The following LCORL variants were observed in gnomAD, a reference collection of about 807,000 sequenced individuals.
The protein encoded by LCORL is ligand dependent nuclear receptor corepressor like.
A neutral mutation model predicts 141.8 loss-of-function variants in LCORL; 41 were observed. That is an observed-to-expected ratio of 0.29 (90% CI 0.23 to 0.38). LCORL has a LOEUF of 0.38. Among genes scored for constraint, LCORL ranks in the 10% least tolerant of loss-of-function variants. The pLI is 1.00. For missense variants in LCORL, 1,759 were observed against 2,035.0 expected, an observed-to-expected ratio of 0.86 and a Z score of 2.61; for synonymous variants, 618 against 694.1, an observed-to-expected ratio of 0.89 and a Z score of 1.72.
chr4:18,004,886 C>T (rs1722538544), intron 1 of LCORL, among the ~76,000 whole-genome samples: 1 of 151,750 alleles, frequency 6.6e-6, no homozygotes, highest in South Asian at 2.1e-4. Flanking sequence ...AAAGGGGCTA[C>T]AGGCCCCATG....
chr4:17,869,456 G>T (rs1183774743), intron 7 of LCORL, among the ~76,000 whole-genome samples: 2 of 152,012 alleles, frequency 1.3e-5, no homozygotes, highest in Non-Finnish European at 2.9e-5. Context: ...CCGTTTCAGG[G>T]CTCATCTTAG....
chr4:17,879,651 G>C (rs905060443), intron 6 of LCORL, among the ~76,000 whole-genome samples: 1 of 150,912 alleles, frequency 6.6e-6, no homozygotes, highest in African/African-American at 2.4e-5. Flanking sequence ...TATATGTAGA[G>C]AGCAAGGGCA....
intron 4 of LCORL, among the ~76,000 whole-genome samples, chr4:17,953,231 G>A (rs1352370754): frequency 6.6e-6 from 1 of 152,202 alleles, no homozygotes; most frequent in Non-Finnish European, 1.5e-5. Flanking sequence ...CTTTATGGCA[G>A]AACAGTTTAT....
chr4:17,936,360 G>GA (rs10646952), intron 4 of LCORL, among the ~76,000 whole-genome samples: 2,448 of 96,366 alleles, frequency 0.025, 71 homozygotes, highest in African/African-American at 0.069. Flanking sequence ...GTCTCATAAT[G>GA]AAAAAAAAAA....
intron 4 of LCORL, among the ~76,000 whole-genome samples, chr4:17,935,877 A>G (rs1173036068): frequency 1.3e-5 from 2 of 152,342 alleles, no homozygotes; most frequent in East Asian, 3.9e-4. Context: ...ATGGAATGAA[A>G]TTAAGTGTAG....
intron 1 of LCORL, among the ~76,000 whole-genome samples, chr4:17,983,499 TC>T (rs1406826867): frequency 6.6e-6 from 1 of 152,170 alleles, no homozygotes; most frequent in African/African-American, 2.4e-5. Context: ...TTAGCTGTAT[TC>T]CCGGATATTT....
intron 7 of LCORL, among the ~76,000 whole-genome samples, chr4:17,872,938 CTT>C (rs1726527800): frequency 6.6e-6 from 1 of 151,946 alleles, no homozygotes; most frequent in African/African-American, 2.4e-5. Flanking sequence ...AACAGATAGT[CTT>C]TACTTTTTTA....
chr4:17,873,854 T>G (rs1292279029), exon 7 of LCORL: 1 of 1,233,926 alleles, frequency 8.1e-7, no homozygotes, highest in African/African-American at 1.6e-5. Flanking sequence ...GACATACATT[T>G]TCTAGTCTTG....
At chr4:17,986,059 T>C (rs374445579) in intron 1 of LCORL, among the ~76,000 whole-genome samples, 27 of 152,302 alleles carry the variant, frequency 1.8e-4, no homozygotes, top group African/African-American at 5.1e-4. Context: ...GTTGAGAATA[T>C]TGTTATTTAA....
intron 4 of LCORL, among the ~76,000 whole-genome samples, chr4:17,923,687 C>T (rs903535653): frequency 6.6e-5 from 10 of 151,850 alleles, no homozygotes; most frequent in South Asian, 2.1e-4. Flanking sequence ...CCTCTGTGAG[C>T]GAGCTGGAAA....
chr4:17,985,822 T>C (rs1356408667), intron 1 of LCORL, among the ~76,000 whole-genome samples: 3 of 152,226 alleles, frequency 2.0e-5, no homozygotes, highest in African/African-American at 7.2e-5. Flanking sequence ...AGCTGGTTAT[T>C]ATGCTGGCTT....
rs1261089709 is a variant in LCORL, at chr4:17,884,726, T to C, written c.776+1342A>G. ...TGCAAACTCAGCACTTCTTTCCACA[T>C]AGTCCTCTCTGTTTCTGTGTAGTCT... On this transcript the variant is annotated intron_variant, in intron 6 of 7. Coordinates refer to ENST00000635767, the Ensembl canonical transcript of LCORL. This position sits in a 1 kb window ranked among gnomAD's most constrained non-coding sequence, Gnocchi z 4.4. 4.0e-6 allele frequency: 6 copies of C among 1,487,476 alleles called. No homozygotes were observed. The highest frequency in any genetic ancestry group is 2.8e-5 in the South Asian group (2 of 71,958). 92.1% of individuals were successfully genotyped at this position (1,487,476 alleles called of 1,614,324 possible).
intron 4 of LCORL, among the ~76,000 whole-genome samples, chr4:17,928,943 T>C (rs1340724063): frequency 6.6e-6 from 1 of 152,186 alleles, no homozygotes; most frequent in East Asian, 1.9e-4. Flanking sequence ...AATAGTCAAG[T>C]TCACAAGGTT....
chr4:17,898,080 T>A (rs1162028506), intron 5 of LCORL, among the ~76,000 whole-genome samples: 1 of 152,178 alleles, frequency 6.6e-6, no homozygotes, highest in Non-Finnish European at 1.5e-5. Flanking sequence ...AAAATACTGG[T>A]TTCATAATGA....
exon 7 of LCORL, chr4:17,876,821 T>C (rs922653000): frequency 2.4e-6 from 3 of 1,230,662 alleles, no homozygotes; most frequent in Non-Finnish European, 3.0e-6. Context: ...CAGGGGAAGT[T>C]GTTTTAAAGC....
chr4:17,906,821 G>A (rs1019536997), intron 5 of LCORL, among the ~76,000 whole-genome samples: 2 of 151,900 alleles, frequency 1.3e-5, no homozygotes, highest in Non-Finnish European at 2.9e-5. Flanking sequence ...CAAATAGCTG[G>A]GACTACAGGC....
intron 6 of LCORL, chr4:17,883,420 T>C (rs1727845834): frequency 1.8e-6 from 2 of 1,119,168 alleles, no homozygotes; most frequent in Admixed American, 4.5e-5. Context: ...CGCTTTATGC[T>C]ATTGACTACT....
chr4:17,890,345 G>T (rs758708358), intron 5 of LCORL, among the ~76,000 whole-genome samples: 1 of 151,994 alleles, frequency 6.6e-6, no homozygotes, highest in African/African-American at 2.4e-5. Flanking sequence ...AATATTTAAA[G>T]CACACAAAAC....
At chr4:17,843,063 A>T (rs1348046616) in exon 8 of LCORL, 1 of 296,564 alleles carries the variant, frequency 3.4e-6, no homozygotes, top group Non-Finnish European at 6.4e-6. Context: ...TTTCCTGTAT[A>T]ACACCAGGTT....
Sources: gnomAD v4.1 joint callset for allele counts (sites outside exome capture counted in the v4.1 genomes callset) on GRCh38, gnomAD v4.1.1 for gene constraint, Gnocchi (gnomAD v3.1) non-coding constraint, MANE v1.5 for transcripts, NCBI Gene and HGNC (gene_info 2026-07-23, HGNC 2026-07-21) for gene names.